CNTN5: variants seen among roughly 807,000 people sequenced by gnomAD.
The protein encoded by CNTN5 is contactin 5.
CNTN5 carries 77 observed loss-of-function variants against 129.1 expected under a neutral mutation model. The ratio of observed to expected loss-of-function variants is 0.60; its 90% CI spans 0.50 to 0.72. The LOEUF (loss-of-function observed/expected upper bound fraction) is 0.72. Ranked by LOEUF, CNTN5 falls within the 30% of genes least tolerant of loss-of-function variation. CNTN5 has a pLI of 0.00. For synonymous variants in CNTN5, 509 were observed against 465.6 expected, an observed-to-expected ratio of 1.09 and a Z score of -1.20; for missense variants, 1,478 against 1,328.8, an observed-to-expected ratio of 1.11 and a Z score of -1.75.
intron 2 of CNTN5, among the ~76,000 whole-genome samples, chr11:99,547,800 C>T (rs1948349508): frequency 6.6e-6 from 1 of 152,092 alleles, no homozygotes; most frequent in Non-Finnish European, 1.5e-5. Flanking sequence ...AGACAATCAC[C>T]ACATTTTTGA....
intron 13 of CNTN5, among the ~76,000 whole-genome samples, chr11:100,100,433 C>T (rs1250326247): frequency 6.6e-6 from 1 of 152,070 alleles, no homozygotes; most frequent in Admixed American, 6.6e-5. Flanking sequence ...CTGAGCAAGC[C>T]CCTCCCTGTC....
At chr11:99,921,737 C>T (rs1949945356) in intron 7 of CNTN5, among the ~76,000 whole-genome samples, 1 of 151,928 alleles carries the variant, frequency 6.6e-6, no homozygotes, top group African/African-American at 2.4e-5. Context: ...AGAGTATGAG[C>T]TCAAAAATAT....
intron 3 of CNTN5, among the ~76,000 whole-genome samples, chr11:99,737,884 C>A (rs752587596): frequency 6.6e-6 from 1 of 152,020 alleles, no homozygotes; most frequent in Non-Finnish European, 1.5e-5. Flanking sequence ...AAATATCATA[C>A]CATCGGTGAT....
chr11:99,208,593 C>G (rs375060664), intron 1 of CNTN5, among the ~76,000 whole-genome samples: 4 of 152,084 alleles, frequency 2.6e-5, no homozygotes, highest in East Asian at 3.9e-4. Context: ...TGTTTATAAA[C>G]ACTTACTTGA....
intron 21 of CNTN5, among the ~76,000 whole-genome samples, chr11:100,339,664 C>T (rs987100314): frequency 1.3e-5 from 2 of 152,148 alleles, no homozygotes; most frequent in Non-Finnish European, 2.9e-5. Flanking sequence ...TTTCTGTCTG[C>T]CTAGAATTTC....
At chr11:99,167,845 T>C (rs1046997528) in intron 1 of CNTN5, among the ~76,000 whole-genome samples, 1 of 152,182 alleles carries the variant, frequency 6.6e-6, no homozygotes, top group East Asian at 1.9e-4. Flanking sequence ...AGATGAGGCT[T>C]GAATATCAAC....
At chr11:99,881,418 A>G (rs1480436109) in intron 6 of CNTN5, among the ~76,000 whole-genome samples, 11 of 152,304 alleles carry the variant, frequency 7.2e-5, no homozygotes. Context: ...GATATTTATG[A>G]TTTTACATGG....
intron 2 of CNTN5, among the ~76,000 whole-genome samples, chr11:99,430,684 T>C (rs1157374291): frequency 6.6e-6 from 1 of 151,890 alleles, no homozygotes; most frequent in East Asian, 1.9e-4. Flanking sequence ...AGCTTGGATA[T>C]CAGCTTTTAA....
rs774797660 is a variant in CNTN5 at position 99,382,844 on chromosome 11, A to ATTTTTTTTTTTTTTTTTTTT, written c.-71+57360_-71+57361insTTTTTTTTTTTTTTTTTTTT. ...CACATCTCACTAGTGTCTCTAAATA[A>ATTTTTTTTTTTTTTTTTTTT]CTTTTTTTTTTTTTTTTTTTTTTTT... is the stretch of plus-strand genomic sequence containing the variant. On this transcript the variant is annotated intron_variant, in intron 2 of 24. Coordinates refer to ENST00000524871, the MANE Select transcript of CNTN5 (RefSeq NM_014361.4). 4.5e-4 allele frequency among the ~76,000 whole-genome samples: 31 copies of ATTTTTTTTTTTTTTTTTTTT among 69,372 alleles called. 2 individuals carry two copies. Among genetic ancestry groups the ATTTTTTTTTTTTTTTTTTTT allele is most frequent in the African/African-American group, 1.8e-3 (25 of 13,982 alleles). The allele number at this position is 69,372 out of a possible 152,430, so 45.5% of individuals were successfully genotyped here.
chr11:99,128,241 C>T (rs77535053), intron 1 of CNTN5, among the ~76,000 whole-genome samples: 12,293 of 152,094 alleles, frequency 0.081, 656 homozygotes, highest in South Asian at 0.12. Context: ...CTAAGACTAC[C>T]GAGTTCATGG....
rs572908415 is a variant in CNTN5 at position 100,237,121 on chromosome 11, A to G, written c.2005+12309A>G. Among the ~76,000 whole-genome samples the G allele has an allele frequency of 7.3e-4, 110 of 150,386 alleles. 2 individuals carry two copies. In the South Asian group the frequency reaches 0.014, roughly 19 times the overall value. On this transcript the variant is annotated intron_variant, in intron 16 of 24. Transcript: ENST00000524871. ...GGAGAATGGCGTGAACCCGGGAGGC[A>G]GAGCTTGCAGTGAGCCGAGATCACA...
At chr11:99,895,648 G>A (rs923521693) in intron 6 of CNTN5, among the ~76,000 whole-genome samples, 1 of 152,108 alleles carries the variant, frequency 6.6e-6, no homozygotes, top group Admixed American at 6.6e-5. Flanking sequence ...GAAAGTGAGT[G>A]GGGGAAGAGT....
At position 99,556,704 on chromosome 11, in the gene CNTN5, A is replaced by G. The variant is rs1476074140; in HGVS notation, c.55+435A>G. ...CTAATTATAAAAGTGTCTCATCACAATGCTAAATTTCACCATATAAAACAG... is the reference window on the plus strand; with the variant it reads ...CTAATTATAAAAGTGTCTCATCACAGTGCTAAATTTCACCATATAAAACAG... On this transcript the variant is annotated intron_variant, in intron 3 of 24. Coordinates refer to ENST00000524871, the MANE Select transcript of CNTN5 (RefSeq NM_014361.4). 2.0e-5 allele frequency among the ~76,000 whole-genome samples: 3 copies of G among 149,924 alleles called. No individual in the cohort carries two copies. The Admixed American group carries it at 2.0e-4, about 10-fold the overall frequency.
At chr11:99,697,204 G>A (rs1051335104) in intron 3 of CNTN5, among the ~76,000 whole-genome samples, 2 of 151,914 alleles carry the variant, frequency 1.3e-5, no homozygotes, top group Admixed American at 1.3e-4. Context: ...TTATGTAGCT[G>A]TTCAACGCTT....
chr11:100,186,205 A>G (rs1201507194), intron 13 of CNTN5, among the ~76,000 whole-genome samples: 1 of 151,872 alleles, frequency 6.6e-6, no homozygotes, highest in Non-Finnish European at 1.5e-5. Flanking sequence ...CAAATAAATA[A>G]GTAACTAAAT....
At chr11:99,475,883 G>A (rs181593013) in intron 2 of CNTN5, among the ~76,000 whole-genome samples, 3 of 151,694 alleles carry the variant, frequency 2.0e-5, no homozygotes, top group African/African-American at 7.3e-5. Flanking sequence ...TTTGATGGCT[G>A]AAACAAATTC....
intron 13 of CNTN5, among the ~76,000 whole-genome samples, chr11:100,139,116 A>G (rs1343605188): frequency 1.3e-5 from 2 of 152,154 alleles, no homozygotes; most frequent in African/African-American, 4.8e-5. Context: ...TGAAGAATTT[A>G]AGTGAGAACC....
At chr11:99,663,208 C>T (rs1952659872) in intron 3 of CNTN5, among the ~76,000 whole-genome samples, 1 of 152,156 alleles carries the variant, frequency 6.6e-6, no homozygotes, top group Non-Finnish European at 1.5e-5. Context: ...GTGGCTCATG[C>T]CTGTAATCCC....
intron 2 of CNTN5, among the ~76,000 whole-genome samples, chr11:99,418,102 A>G (rs1027502047): frequency 2.6e-5 from 4 of 152,138 alleles, no homozygotes; most frequent in Non-Finnish European, 4.4e-5. Flanking sequence ...TACTGCTAGA[A>G]AAGTCAGCCT....
Sources: gnomAD v4.1 joint callset for allele counts (sites outside exome capture counted in the v4.1 genomes callset) on GRCh38, gnomAD v4.1.1 for gene constraint, MANE v1.5 for transcripts, NCBI Gene and HGNC (gene_info 2026-07-23, HGNC 2026-07-21) for gene names.